The following DENND2B variants were observed in gnomAD, a reference collection of about 807,000 sequenced individuals.
The protein encoded by DENND2B is DENN domain-containing protein 2B.
Under a neutral mutation model 116.0 loss-of-function variants are expected in DENND2B, and 32 were observed. The ratio of observed to expected loss-of-function variants is 0.28; its 90% CI spans 0.21 to 0.37. DENND2B has a LOEUF of 0.37. DENND2B is among the 10% of genes least tolerant of loss of function. DENND2B has a pLI of 1.00. For synonymous variants in DENND2B, 588 were observed against 583.9 expected (o/e 1.01, Z -0.10); for missense variants, 1,276 against 1,477.7 (o/e 0.86, Z 2.24).
chr11:8,815,840 G>A (rs10743092), intron 4 of DENND2B, among the ~76,000 whole-genome samples: 126,799 of 152,072 alleles, frequency 0.83, 54,303 homozygotes, highest in Non-Finnish European at 0.94. Flanking sequence ...TGAGATAAAC[G>A]AATCATTGAA....
chr11:8,845,676 AAC>A (rs1365793803), intron 3 of DENND2B, among the ~76,000 whole-genome samples: 11 of 152,198 alleles, frequency 7.2e-5, no homozygotes, highest in Non-Finnish European at 1.5e-5. Flanking sequence ...TGAGAAAGGA[AAC>A]ACCTTGAGTG....
intron 1 of DENND2B, among the ~76,000 whole-genome samples, chr11:8,778,303 AG>A (rs1032421981): frequency 6.6e-6 from 1 of 152,124 alleles, no homozygotes; most frequent in African/African-American, 2.4e-5. Context: ...GACTGCTTTC[AG>A]GGGGCCTTCC....
intron 4 of DENND2B, chr11:8,718,320 C>T (rs1274068183): frequency 1.3e-6 from 2 of 1,511,036 alleles, no homozygotes; most frequent in East Asian, 2.5e-5. Context: ...CATGGCTGTC[C>T]CTTCACCCAA....
chr11:8,862,277 A>ACAAAG (rs960861255), intron 2 of DENND2B, among the ~76,000 whole-genome samples: 2 of 152,008 alleles, frequency 1.3e-5, no homozygotes, highest in African/African-American at 4.8e-5. Context: ...TTCCAACAGA[A>ACAAAG]CAAAGGTCCA....
chr11:8,874,118 T>G (rs985019148), upstream of DENND2B, among the ~76,000 whole-genome samples: 3 of 152,260 alleles, frequency 2.0e-5, no homozygotes, highest in African/African-American at 7.2e-5. Context: ...TGGATAGTTA[T>G]GAATACTGTT....
chr11:8,850,149 A>T (rs1162011310), intron 3 of DENND2B, among the ~76,000 whole-genome samples: 1 of 152,216 alleles, frequency 6.6e-6, no homozygotes, highest in Non-Finnish European at 1.5e-5. Flanking sequence ...ACACACACAA[A>T]AACTGATAAA....
chr11:8,750,650 GC>G lies in DENND2B; in HGVS notation c.50del (p.Gly17AlafsTer9). On this transcript the variant is annotated frameshift_variant, in exon 2 of 20. Transcript: ENST00000313726. LOFTEE classifies it high-confidence loss of function. ...TCAGAGTCCCCCGAGGGGCTTTAGT[GC>G]CACCAGCTCCGTGGGTGATGCTGGA... is the stretch of plus-strand genomic sequence containing the variant. ...KNSSITHGAG[G>X]TKAPRGTLSR... 6.2e-7 allele frequency: 1 copy of G among 1,614,108 alleles called. No individual in the cohort carries two copies. The highest frequency in any genetic ancestry group is 8.5e-7 in the Non-Finnish European group (1 of 1,180,008).
rs781592840 is a variant in DENND2B, at chr11:8,712,837, C to A, written c.1988-102G>T. 7.7e-5 allele frequency: 97 copies of A among 1,260,614 alleles called. No homozygotes were observed. Among genetic ancestry groups the A allele is most frequent in the Non-Finnish European group, 9.8e-5 (91 of 926,250 alleles). The allele number at this position is 1,260,614 out of a possible 1,614,324, so 78.1% of individuals were successfully genotyped here. A position where few individuals can be genotyped will look rare whatever the true frequency, so the allele number is the denominator to read the frequency against. On this transcript the variant is annotated intron_variant, in intron 8 of 19. Transcript: ENST00000313726. This position sits in a 1 kb window ranked among gnomAD's most constrained non-coding sequence, Gnocchi z 4.4. The stretch of plus-strand genomic sequence containing the variant: ...CATTGCTGTGGAGCACTTTTAAGTA[C>A]GTGAGCCTAGTCTGATACCATCCCC...
At chr11:8,830,522 A>T (rs1442414783) in intron 4 of DENND2B, among the ~76,000 whole-genome samples, 1 of 152,244 alleles carries the variant, frequency 6.6e-6, no homozygotes, top group Admixed American at 6.5e-5. Flanking sequence ...TTGCATCACA[A>T]TGTCAGTGGA....
intron 2 of DENND2B, among the ~76,000 whole-genome samples, chr11:8,868,250 C>T (rs922984958): frequency 6.6e-6 from 1 of 152,240 alleles, no homozygotes; most frequent in Non-Finnish European, 1.5e-5. Flanking sequence ...GCTACATTTC[C>T]TTTTTGAACC....
chr11:8,849,844 G>C (rs1397184247), intron 3 of DENND2B, among the ~76,000 whole-genome samples: 1 of 149,506 alleles, frequency 6.7e-6, no homozygotes, highest in Non-Finnish European at 1.5e-5. Context: ...GAAAAGAAAA[G>C]ACCAATAAGG....
At position 8,715,586 on chromosome 11, in the gene DENND2B, G is replaced by C. The variant is rs778506206; in HGVS notation, c.1845+17C>G. ...CCCACCTGCCCGGCTCCAGTGGGCT[G>C]CCTCTGGGGAGGGTACCTTGGGAAT... On this transcript the variant is annotated intron_variant, in intron 6 of 19. Coordinates refer to ENST00000313726, the MANE Select transcript of DENND2B (RefSeq NM_213618.2). 2 of 1,610,052 alleles carry C rather than the reference G, an allele frequency of 1.2e-6. No homozygotes were observed. Among genetic ancestry groups the C allele is most frequent in the East Asian group, 2.2e-5 (1 of 44,820 alleles).
chr11:8,763,872 C>T (rs1565887197), intron 1 of DENND2B, among the ~76,000 whole-genome samples: 1 of 151,958 alleles, frequency 6.6e-6, no homozygotes. Context: ...ATATAGCAAG[C>T]AGGATACAGA....
At chr11:8,752,313 G>T (rs1203050267) in intron 1 of DENND2B, among the ~76,000 whole-genome samples, 1 of 152,102 alleles carries the variant, frequency 6.6e-6, no homozygotes, top group Middle Eastern at 3.2e-3. Context: ...TCAGCCAGGT[G>T]TGGTGGCAGG....
chr11:8,766,710 G>A lies in DENND2B; in HGVS notation c.-25-15985C>T, dbSNP rs2055871915. 4 of 1,280,482 alleles carry A rather than the reference G, an allele frequency of 3.1e-6. No individual in the cohort carries two copies. The East Asian group carries it at 1.7e-4, about 53-fold the overall frequency. 79.3% of individuals were successfully genotyped at this position (1,280,482 alleles called of 1,614,324 possible). A position where few individuals can be genotyped will look rare whatever the true frequency, so the allele number is the denominator to read the frequency against. ...TTCTTCCTTGAAGTCATAATCCTCT[G>A]TTGGTGACATCACAGCTGTTGATAC... On this transcript the variant is annotated intron_variant, in intron 1 of 19. Coordinates refer to ENST00000313726, the MANE Select transcript of DENND2B (RefSeq NM_213618.2).
chr11:8,693,999 G>T lies in DENND2B; in HGVS notation c.*97C>A, dbSNP rs199849250. 7.5e-7 allele frequency: 1 copy of T among 1,339,182 alleles called. No homozygotes were observed. The allele number at this position is 1,339,182 out of a possible 1,614,324, so 83.0% of individuals were successfully genotyped here. ...GGCTTGGAGGATAGGATCTGTGGGG[G>T]CAGAGGAGCCACAGCAGCCCAGAGG... On this transcript the variant is annotated 3_prime_UTR_variant, in exon 20 of 20. Transcript: ENST00000313726.
At chr11:8,872,966 C>T (rs917481314), upstream of DENND2B, among the ~76,000 whole-genome samples, 4 of 152,184 alleles carry the variant, frequency 2.6e-5, no homozygotes, top group Admixed American at 2.6e-4. Flanking sequence ...TTTGGATGAA[C>T]TTAGCCCTCT....
At chr11:8,900,410 G>A (rs1404939325) in intron 1 of DENND2B, among the ~76,000 whole-genome samples, 38 of 136,782 alleles carry the variant, frequency 2.8e-4, no homozygotes, top group Admixed American at 1.4e-3. Context: ...CAGCCTGGGC[G>A]ACAGAGTGAG....
intron 1 of DENND2B, among the ~76,000 whole-genome samples, chr11:8,884,079 C>A (rs758358925): frequency 6.6e-6 from 1 of 152,182 alleles, no homozygotes. Flanking sequence ...ATCTCTCTCA[C>A]ATCTTCAAAA....
Sources: gnomAD v4.1 joint callset for allele counts (sites outside exome capture counted in the v4.1 genomes callset) on GRCh38, gnomAD v4.1.1 for gene constraint, Gnocchi (gnomAD v3.1) non-coding constraint, MANE v1.5 for transcripts, NCBI Gene and HGNC (gene_info 2026-07-23, HGNC 2026-07-21) for gene names.